NLGN1: variants seen among roughly 807,000 people sequenced by gnomAD.
NLGN1 encodes neuroligin 1.
NLGN1 carries 12 observed loss-of-function variants against 65.5 expected under a neutral mutation model. The observed-to-expected ratio is 0.18, with a 90% CI of 0.12 to 0.30. NLGN1 has a LOEUF of 0.30. Among genes scored for constraint, NLGN1 ranks in the 10% least tolerant of loss-of-function variants. The probability of loss-of-function intolerance (pLI) is 1.00; values close to 1 mark genes in which losing one functional copy is unlikely to be tolerated. For synonymous variants in NLGN1, 350 were observed against 359.5 expected (o/e 0.97, Z 0.30); for missense variants, 750 against 1,007.1 (o/e 0.74, Z 3.46).
At chr3:173,409,133 C>T (rs1309011359) in intron 1 of NLGN1, among the ~76,000 whole-genome samples, 2 of 151,896 alleles carry the variant, frequency 1.3e-5, no homozygotes, top group Non-Finnish European at 2.9e-5. Flanking sequence ...TAGGGGAGAA[C>T]GAAGGTATAA....
chr3:174,128,501 G>A (rs1262898873), intron 4 of NLGN1, among the ~76,000 whole-genome samples: 2 of 152,080 alleles, frequency 1.3e-5, no homozygotes, highest in African/African-American at 2.4e-5. Context: ...AGTAGCTTTC[G>A]CCTCCATTTT....
intron 2 of NLGN1, among the ~76,000 whole-genome samples, chr3:173,459,522 C>T (rs1352573516): frequency 1.3e-5 from 2 of 152,026 alleles, no homozygotes; most frequent in Non-Finnish European, 2.9e-5. Context: ...TTATGGTAAG[C>T]AGAGATTGAC....
At chr3:173,486,767 A>C (rs1728234756) in intron 2 of NLGN1, among the ~76,000 whole-genome samples, 1 of 152,200 alleles carries the variant, frequency 6.6e-6, no homozygotes, top group African/African-American at 2.4e-5. Context: ...AAACAGTTCA[A>C]CTTTTGCCTG....
chr3:173,891,557 C>G (rs191862328), intron 4 of NLGN1, among the ~76,000 whole-genome samples: 25 of 152,264 alleles, frequency 1.6e-4, no homozygotes, highest in Admixed American at 1.6e-3. Flanking sequence ...TCTAAAGTTT[C>G]CAAACCCATG....
chr3:174,044,954 C>T (rs911645639), intron 4 of NLGN1, among the ~76,000 whole-genome samples: 4 of 152,054 alleles, frequency 2.6e-5, no homozygotes, highest in Non-Finnish European at 5.9e-5. Context: ...GCTTCTCCTT[C>T]CACAATGATT....
At chr3:173,930,718 A>C (rs1743938829) in intron 4 of NLGN1, among the ~76,000 whole-genome samples, 1 of 152,192 alleles carries the variant, frequency 6.6e-6, no homozygotes, top group Admixed American at 6.5e-5. Context: ...AGTCTTCATA[A>C]TAAAAGAGAA....
At chr3:174,130,433 C>T (rs1719930550) in intron 4 of NLGN1, among the ~76,000 whole-genome samples, 1 of 152,060 alleles carries the variant, frequency 6.6e-6, no homozygotes, top group South Asian at 2.1e-4. Flanking sequence ...TGCCTCCAAA[C>T]CTTGGTCCAG....
At chr3:173,618,780 A>G (rs1359213434) in intron 3 of NLGN1, among the ~76,000 whole-genome samples, 1 of 152,112 alleles carries the variant, frequency 6.6e-6, no homozygotes, top group Non-Finnish European at 1.5e-5. Flanking sequence ...GGAGAGGCAT[A>G]CTAAGAATGT....
intron 4 of NLGN1, among the ~76,000 whole-genome samples, chr3:173,809,987 A>G (rs561617872): frequency 6.6e-6 from 1 of 152,308 alleles, no homozygotes; most frequent in East Asian, 1.9e-4. Flanking sequence ...TCTCTTAAAC[A>G]CATTATACAC....
rs80221486 is a variant in NLGN1 at position 173,463,297 on chromosome 3, C to A, written c.-321+28219C>A. Among the ~76,000 whole-genome samples, 127 of 152,242 alleles carry A rather than the reference C, an allele frequency of 8.3e-4. 1 individual carries two copies. In the East Asian group the frequency reaches 0.023, roughly 28 times the overall value. On this transcript the variant is annotated intron_variant, in intron 2 of 6. Transcript: ENST00000457714. ...GTAGAACATTATTCATTGTAAACAA[C>A]CTGAAAACAAATCAATACAAAATAT... is the stretch of plus-strand genomic sequence containing the variant.
At chr3:173,788,751 T>TTG (rs1711881764) in intron 3 of NLGN1, among the ~76,000 whole-genome samples, 1 of 142,964 alleles carries the variant, frequency 7.0e-6, no homozygotes, top group Admixed American at 7.4e-5. Context: ...AGCCCAGGAG[T>TTG]TGGAGGCTGT....
At chr3:173,911,739 T>C (rs570579149) in intron 4 of NLGN1, among the ~76,000 whole-genome samples, 4 of 152,190 alleles carry the variant, frequency 2.6e-5, no homozygotes, top group Admixed American at 6.5e-5. Flanking sequence ...AGAGAGAGCA[T>C]TGATACTTGT....
intron 4 of NLGN1, among the ~76,000 whole-genome samples, chr3:174,242,850 T>G (rs1346782827): frequency 1.3e-5 from 2 of 151,932 alleles, no homozygotes; most frequent in Non-Finnish European, 2.9e-5. Context: ...TGGTCCCCAG[T>G]GCCAAAAATG....
chr3:173,563,940 T>C (rs534468029), intron 2 of NLGN1, among the ~76,000 whole-genome samples: 3 of 152,254 alleles, frequency 2.0e-5, no homozygotes, highest in Non-Finnish European at 4.4e-5. Flanking sequence ...TCCACTCTTC[T>C]GCTCAGATTC....
intron 2 of NLGN1, among the ~76,000 whole-genome samples, chr3:173,539,652 C>CATATATTTAT (rs1368065827): frequency 9.7e-6 from 1 of 103,592 alleles, no homozygotes; most frequent in Non-Finnish European, 2.0e-5. Context: ...ACATATATAA[C>CATATATTTAT]ATATGTGTAT....
chr3:173,899,043 G>A (rs575086460), intron 4 of NLGN1, among the ~76,000 whole-genome samples: 1 of 152,182 alleles, frequency 6.6e-6, no homozygotes, highest in Admixed American at 6.6e-5. Context: ...ATTAAGTTCA[G>A]AGACAAAATG....
chr3:173,714,487 A>C (rs2149965669), intron 3 of NLGN1, among the ~76,000 whole-genome samples: 1 of 152,324 alleles, frequency 6.6e-6, no homozygotes, highest in African/African-American at 2.4e-5. Flanking sequence ...CATGCAGATC[A>C]GAAGTCAATT....
intron 4 of NLGN1, among the ~76,000 whole-genome samples, chr3:174,158,006 C>G (rs1725775508): frequency 6.6e-6 from 1 of 151,684 alleles, no homozygotes; most frequent in African/African-American, 2.4e-5. Context: ...CATTGTCCAG[C>G]CCACTAGTCC....
At chr3:173,563,703 T>C (rs1181301052) in intron 2 of NLGN1, among the ~76,000 whole-genome samples, 1 of 152,166 alleles carries the variant, frequency 6.6e-6, no homozygotes, top group Non-Finnish European at 1.5e-5. Context: ...CATACCCTTG[T>C]ATATTATAAA....
Sources: allele counts gnomAD v4.1 joint callset (sites outside exome capture counted in the v4.1 genomes callset), GRCh38; gene constraint gnomAD v4.1.1; transcripts MANE v1.5; gene names NCBI Gene and HGNC (gene_info 2026-07-23, HGNC 2026-07-21).